The following FARP2 variants were observed in gnomAD, a reference collection of about 807,000 sequenced individuals.
FARP2 encodes FERM, ARHGEF and pleckstrin domain-containing protein 2.
In FARP2, 111 loss-of-function variants were observed where a neutral mutation model predicts 130.5. The observed-to-expected ratio is 0.85, with a 90% CI of 0.73 to 1.00. The LOEUF (loss-of-function observed/expected upper bound fraction) is 1.00, where lower values mean the gene tolerates loss of function less well. Ranked by LOEUF, FARP2 falls within the 50% of genes least tolerant of loss-of-function variation. The probability of loss-of-function intolerance (pLI) is 0.00; values close to 1 mark genes in which losing one functional copy is unlikely to be tolerated. For missense variants in FARP2, 1,385 were observed against 1,346.3 expected (o/e 1.03, Z -0.45); for synonymous variants, 504 against 516.9 (o/e 0.98, Z 0.34).
chr2:241,493,086 A>ACTT (rs1574924266), intron 25 of FARP2, 50 bp downstream of exon 25: 1 of 1,182,768 alleles, frequency 8.5e-7, no homozygotes, highest in Non-Finnish European at 1.3e-6. Context: ...GCAGACAGAC[A>ACTT]CTTAACCCTG....
intron 13 of FARP2, among the ~76,000 whole-genome samples, chr2:241,455,746 T>C (rs926505734): frequency 1.4e-5 from 2 of 143,198 alleles, no homozygotes; most frequent in African/African-American, 5.2e-5. Context: ...TTTTTTTTTT[T>C]TTTTTTTTTT....
intron 17 of FARP2, chr2:241,466,101 G>A (rs926152018): frequency 4.6e-6 from 5 of 1,089,570 alleles, no homozygotes; most frequent in Non-Finnish European, 5.6e-6. Flanking sequence ...TTTAGCTCTG[G>A]GGAGGCAGCC....
intron 8 of FARP2, among the ~76,000 whole-genome samples, chr2:241,419,298 T>C (rs1164728043): frequency 6.6e-6 from 1 of 151,852 alleles, no homozygotes; most frequent in Non-Finnish European, 1.5e-5. Flanking sequence ...AGGTGGAGGG[T>C]CTGAGCATCC....
rs997369278 is a variant in FARP2, at chr2:241,406,393, G to T, written c.332-1144G>T. Among the ~76,000 whole-genome samples, 8 of 146,620 alleles carry T rather than the reference G, an allele frequency of 5.5e-5. 1 individual carries two copies. The Admixed American group carries it at 5.5e-4, about 10-fold the overall frequency. On this transcript the variant is annotated intron_variant, in intron 4 of 26. Coordinates refer to ENST00000264042, the MANE Select transcript of FARP2 (RefSeq NM_014808.4). ...TATATATATATATATGTATGTGTGGGTATATATATGTCTGTGTGTATATAT... is the reference window on the plus strand; with the variant it reads ...TATATATATATATATGTATGTGTGGTTATATATATGTCTGTGTGTATATAT...
intron 13 of FARP2, among the ~76,000 whole-genome samples, chr2:241,454,770 C>T (rs1366504435): frequency 1.3e-5 from 2 of 152,176 alleles, no homozygotes; most frequent in African/African-American, 4.8e-5. Flanking sequence ...TTAATAATTT[C>T]CTATAGTGAT....
At chr2:241,400,673 G>A (rs1193247387) in intron 2 of FARP2, among the ~76,000 whole-genome samples, 2 of 152,232 alleles carry the variant, frequency 1.3e-5, no homozygotes, top group Non-Finnish European at 2.9e-5. Flanking sequence ...CTCAGGTGAA[G>A]CCAGGTAGTG....
intron 12 of FARP2, 87 bp from the exon 13 acceptor site, chr2:241,441,217 C>A: frequency 7.9e-7 from 1 of 1,265,602 alleles, no homozygotes; most frequent in Non-Finnish European, 1.1e-6. Context: ...GTGTGGATGC[C>A]CTAAGTTAGG....
At chr2:241,491,817 G>A in intron 24 of FARP2, 138 bp downstream of exon 24, 1 of 768,578 alleles carries the variant, frequency 1.3e-6, no homozygotes. Flanking sequence ...CTCTCCCCTT[G>A]GTAGAAGTTG....
chr2:241,420,685 C>T (rs928154805), intron 8 of FARP2, among the ~76,000 whole-genome samples: 1 of 152,200 alleles, frequency 6.6e-6, no homozygotes, highest in Non-Finnish European at 1.5e-5. Context: ...AGGCAGGGGT[C>T]ATCAGCCTCT....
chr2:241,403,789 T>C (rs746689140), intron 2 of FARP2, 39 bp from the exon 3 acceptor site: 1 of 1,347,662 alleles, frequency 7.4e-7, no homozygotes, highest in South Asian at 1.2e-5. Context: ...CTGTTTAGTC[T>C]TTCAATCCTT....
intron 2 of FARP2, 56 bp from the exon 3 acceptor site, chr2:241,403,772 A>G (rs112653623): frequency 8.4e-6 from 9 of 1,072,966 alleles, no homozygotes; most frequent in Admixed American, 7.6e-5. Context: ...GTTTTCATAA[A>G]CCCTTGCTGT....
At chr2:241,468,576 C>A (rs2064233762) in intron 18 of FARP2, among the ~76,000 whole-genome samples, 199 bp downstream of exon 18, 1 of 152,254 alleles carries the variant, frequency 6.6e-6, no homozygotes, top group South Asian at 2.1e-4. Flanking sequence ...AGGTCCCAGG[C>A]TACACCAGGT....
At chr2:241,471,517 G>C (rs569179668) in intron 18 of FARP2, 1 of 116,716 alleles carries the variant, frequency 8.6e-6, no homozygotes, top group Non-Finnish European at 1.7e-5. Context: ...TGTGTGAGAC[G>C]GAGTCTCGCT....
At chr2:241,396,876 C>T (rs1482398684) in intron 2 of FARP2, among the ~76,000 whole-genome samples, 1 of 152,184 alleles carries the variant, frequency 6.6e-6, no homozygotes, top group Non-Finnish European at 1.5e-5. Flanking sequence ...TATAAAGACA[C>T]ATGCACACGT....
intron 17 of FARP2, chr2:241,465,683 G>A (rs1340453581): frequency 2.6e-6 from 4 of 1,550,974 alleles, no homozygotes; most frequent in Non-Finnish European, 3.5e-6. Context: ...GGCTGCTCAT[G>A]AGTTCACCAC....
chr2:241,407,924 A>C (rs180773046), intron 5 of FARP2, among the ~76,000 whole-genome samples: 13 of 152,276 alleles, frequency 8.5e-5, no homozygotes, highest in Admixed American at 2.0e-4. Flanking sequence ...GTTCTCAGGG[A>C]TTTTGCTCAT....
rs371087521 is a variant in FARP2, at chr2:241,425,005, C to T, written c.772-6674C>T. ...GGCAGATCACTTGATGTCAGGAGTTCAAGACCAGCCTGGGGCCAACATGGT... is the reference window on the plus strand; with the variant it reads ...GGCAGATCACTTGATGTCAGGAGTTTAAGACCAGCCTGGGGCCAACATGGT... On this transcript the variant is annotated intron_variant, in intron 8 of 26. Coordinates refer to ENST00000264042, the MANE Select transcript of FARP2 (RefSeq NM_014808.4). Among the ~76,000 whole-genome samples the T allele has an allele frequency of 6.6e-5, 10 of 152,208 alleles. No individual in the cohort carries two copies. The East Asian group carries it at 1.9e-3, about 29-fold the overall frequency.
chr2:241,437,441 G>A (rs1456628067), intron 12 of FARP2, among the ~76,000 whole-genome samples: 1 of 152,060 alleles, frequency 6.6e-6, no homozygotes, highest in Non-Finnish European at 1.5e-5. Flanking sequence ...CCATATGCAA[G>A]CATATTTTTA....
intron 8 of FARP2, among the ~76,000 whole-genome samples, chr2:241,426,110 A>G (rs750234544): frequency 2.0e-5 from 3 of 152,200 alleles, no homozygotes; most frequent in Admixed American, 6.5e-5. Flanking sequence ...AAAGAAGGAA[A>G]TAGGGTGCTC....
Sources: allele counts gnomAD v4.1 joint callset (sites outside exome capture counted in the v4.1 genomes callset), GRCh38; gene constraint gnomAD v4.1.1; transcripts MANE v1.5; gene names NCBI Gene and HGNC (gene_info 2026-07-23, HGNC 2026-07-21).